The following TNR variants were observed in gnomAD, a reference collection of about 807,000 sequenced individuals.
The protein encoded by TNR is tenascin-R.
In TNR, 45 loss-of-function variants were observed where a neutral mutation model predicts 150.4. That is an observed-to-expected ratio of 0.30 (90% CI 0.24 to 0.38). TNR has a LOEUF of 0.38. Among genes scored for constraint, TNR ranks in the 10% least tolerant of loss-of-function variants. TNR has a pLI of 1.00. For missense variants in TNR, 1,544 were observed against 1,759.1 expected, an observed-to-expected ratio of 0.88 and a Z score of 2.19; for synonymous variants, 687 against 678.4, an observed-to-expected ratio of 1.01 and a Z score of -0.20.
Position 175,386,116 on chromosome 1 carries a change from G to A in TNR, c.1693C>T (p.Arg565Trp), listed in dbSNP as rs775684150. The A allele has an allele frequency of 3.7e-6, 6 of 1,612,646 alleles. No individual in the cohort carries two copies. Among genetic ancestry groups the A allele is most frequent in the Admixed American group, 3.3e-5 (2 of 59,918 alleles). ...PLSQYSVQAL[R>W]PGSRYEVSVS... Reference sequence around the variant, plus strand: ...GACACCTCGTATCGGGAGCCAGGCCGCAGGGCCTGCACTGAGTATTGGCTC... The same window carrying A: ...GACACCTCGTATCGGGAGCCAGGCCACAGGGCCTGCACTGAGTATTGGCTC... The change falls in exon 8 of 23, where the codon CGG becomes TGG. Residue 565 changes from arginine to tryptophan, a missense_variant. Transcript: ENST00000367674.
At chr1:175,706,951 C>T (rs1476438645) in intron 1 of TNR, among the ~76,000 whole-genome samples, 1 of 152,164 alleles carries the variant, frequency 6.6e-6, no homozygotes, top group Admixed American at 6.5e-5. Context: ...CCCCCTTGCA[C>T]AGGTCAGAAG....
intron 1 of TNR, among the ~76,000 whole-genome samples, chr1:175,582,816 ATAAGGGAGGGCTCCACCCT>A: frequency 6.6e-6 from 1 of 152,300 alleles, no homozygotes; most frequent in East Asian, 1.9e-4. Flanking sequence ...TGATTAAGCC[ATAAGGGAGGGCTCCACCCT>A]TATGAATGGA....
chr1:175,579,908 T>G (rs1034663073), intron 1 of TNR, among the ~76,000 whole-genome samples: 1 of 151,998 alleles, frequency 6.6e-6, no homozygotes, highest in African/African-American at 2.4e-5. Context: ...GTGGCTTCAG[T>G]TTTTAAGGAG....
At chr1:175,562,828 C>T (rs1160588315) in intron 1 of TNR, among the ~76,000 whole-genome samples, 2 of 152,200 alleles carry the variant, frequency 1.3e-5, no homozygotes, top group Non-Finnish European at 2.9e-5. Context: ...CTCTGCCAGG[C>T]TCCAAACACC....
At chr1:175,536,372 C>T (rs1660283948) in intron 1 of TNR, among the ~76,000 whole-genome samples, 1 of 152,298 alleles carries the variant, frequency 6.6e-6, no homozygotes, top group Admixed American at 6.5e-5. Context: ...GTGGACATTG[C>T]CATGGCTAGG....
intron 1 of TNR, among the ~76,000 whole-genome samples, chr1:175,694,507 C>A (rs1412260292): frequency 6.6e-6 from 1 of 152,206 alleles, no homozygotes; most frequent in African/African-American, 2.4e-5. Context: ...AGAGGAAATT[C>A]TAAATGCAAA....
intron 1 of TNR, among the ~76,000 whole-genome samples, chr1:175,729,298 T>C (rs1667565279): frequency 6.6e-6 from 1 of 152,128 alleles, no homozygotes; most frequent in African/African-American, 2.4e-5. Flanking sequence ...CATGGGAGCC[T>C]CCCAGCCTCA....
intron 2 of TNR, among the ~76,000 whole-genome samples, chr1:175,490,560 G>A (rs1658203522): frequency 6.6e-6 from 1 of 152,104 alleles, no homozygotes; most frequent in South Asian, 2.1e-4. Context: ...GTGGGCAAAA[G>A]ACATGAACAG....
intron 2 of TNR, among the ~76,000 whole-genome samples, chr1:175,436,509 G>A (rs149176457): frequency 2.6e-5 from 4 of 152,156 alleles, no homozygotes; most frequent in African/African-American, 9.6e-5. Context: ...AAGGACTTCA[G>A]GATCAAATTC....
intron 2 of TNR, among the ~76,000 whole-genome samples, chr1:175,480,364 G>C (rs963500955): frequency 2.4e-5 from 3 of 126,970 alleles, no homozygotes; most frequent in Non-Finnish European, 4.9e-5. Context: ...GAAAGAAAGA[G>C]GGAGAGAGAA....
intron 1 of TNR, among the ~76,000 whole-genome samples, chr1:175,716,462 T>A (rs1438987317): frequency 6.6e-6 from 1 of 152,196 alleles, no homozygotes; most frequent in African/African-American, 2.4e-5. Context: ...TAAGTTCCTG[T>A]GTATGCTCAG....
At chr1:175,585,485 A>C (rs1030825424) in intron 1 of TNR, among the ~76,000 whole-genome samples, 4 of 152,218 alleles carry the variant, frequency 2.6e-5, no homozygotes, top group Middle Eastern at 3.2e-3. Context: ...CATTTTATGG[A>C]TGAGAAAGCT....
intron 2 of TNR, among the ~76,000 whole-genome samples, chr1:175,480,449 G>A (rs573913572): frequency 1.3e-5 from 2 of 150,524 alleles, no homozygotes; most frequent in Admixed American, 6.6e-5. Context: ...GAAAGAGAAA[G>A]AAAGAAAGAA....
intron 1 of TNR, among the ~76,000 whole-genome samples, chr1:175,617,361 C>G (rs757000633): frequency 6.6e-6 from 1 of 151,912 alleles, no homozygotes; most frequent in Non-Finnish European, 1.5e-5. Flanking sequence ...CCTCTATGTG[C>G]CAGCCTTCCC....
At chr1:175,458,606 C>T (rs1046688991) in intron 2 of TNR, among the ~76,000 whole-genome samples, 3 of 152,130 alleles carry the variant, frequency 2.0e-5, no homozygotes, top group East Asian at 1.9e-4. Context: ...CAGGACACCT[C>T]GTCCCAAAGT....
At chr1:175,690,222 T>G (rs111634616) in intron 1 of TNR, among the ~76,000 whole-genome samples, 1 of 152,226 alleles carries the variant, frequency 6.6e-6, no homozygotes, top group Non-Finnish European at 1.5e-5. Flanking sequence ...GAGTACCTAC[T>G]ACGTGTGGGG....
chr1:175,537,834 AG>A (rs1430322892), intron 1 of TNR, among the ~76,000 whole-genome samples: 4 of 152,214 alleles, frequency 2.6e-5, no homozygotes, highest in Non-Finnish European at 5.9e-5. Flanking sequence ...TGTGTGAGCC[AG>A]GGCCTGCTTC....
At chr1:175,373,139 G>A (rs192009131) in intron 9 of TNR, among the ~76,000 whole-genome samples, 35 of 152,280 alleles carry the variant, frequency 2.3e-4, no homozygotes, top group African/African-American at 7.7e-4. Context: ...ACTCCGAAGA[G>A]AGGATATCTG....
At chr1:175,496,047 C>G (rs1658477309) in intron 2 of TNR, among the ~76,000 whole-genome samples, 1 of 152,112 alleles carries the variant, frequency 6.6e-6, no homozygotes, top group African/African-American at 2.4e-5. Flanking sequence ...TCTTTTCAAG[C>G]CATTTTGGAA....
Sources: allele counts gnomAD v4.1 joint callset (sites outside exome capture counted in the v4.1 genomes callset), GRCh38; gene constraint gnomAD v4.1.1; transcripts MANE v1.5; gene names NCBI Gene and HGNC (gene_info 2026-07-23, HGNC 2026-07-21).